The following CACNA1D variants were observed in gnomAD, a reference collection of about 807,000 sequenced individuals.
CACNA1D encodes voltage-dependent L-type calcium channel subunit alpha-1D.
Under a neutral mutation model 257.1 loss-of-function variants are expected in CACNA1D, and 55 were observed. The observed-to-expected ratio is 0.21, with a 90% CI of 0.17 to 0.27. The LOEUF is 0.27. Among genes scored for constraint, CACNA1D ranks in the 10% least tolerant of loss-of-function variants. The pLI, the probability that CACNA1D is intolerant of heterozygous loss-of-function variation, is 1.00. For missense variants in CACNA1D, 1,876 were observed against 2,784.0 expected (o/e 0.67, Z 7.34); for synonymous variants, 980 against 1,014.9 (o/e 0.97, Z 0.65).
At chr3:53,553,351 T>G (rs927024523) in intron 3 of CACNA1D, among the ~76,000 whole-genome samples, 19 of 152,220 alleles carry the variant, frequency 1.2e-4, no homozygotes, top group African/African-American at 4.6e-4. Context: ...CCCGTCTGTC[T>G]GCCTCCCTGC....
chr3:53,518,171 T>G (rs1336326426), intron 3 of CACNA1D, among the ~76,000 whole-genome samples: 1 of 152,212 alleles, frequency 6.6e-6, no homozygotes, highest in Non-Finnish European at 1.5e-5. Context: ...GCTGGTGTGT[T>G]CTCTGTAGAA....
chr3:53,726,673 A>ATT (rs34214358), intron 14 of CACNA1D, among the ~76,000 whole-genome samples: 20 of 151,978 alleles, frequency 1.3e-4, no homozygotes, highest in Middle Eastern at 6.8e-3. Flanking sequence ...TAATAAGGTT[A>ATT]TTTTTTTTCA....
intron 3 of CACNA1D, among the ~76,000 whole-genome samples, chr3:53,586,897 TG>T (rs772172633): frequency 1.3e-5 from 2 of 151,902 alleles, no homozygotes; most frequent in Non-Finnish European, 2.9e-5. Context: ...TAAGAGACGC[TG>T]GGGGGGTAAT....
At chr3:53,683,605 A>G (rs1474467304) in intron 8 of CACNA1D, among the ~76,000 whole-genome samples, 1 of 152,240 alleles carries the variant, frequency 6.6e-6, no homozygotes, top group Non-Finnish European at 1.5e-5. Context: ...GAAACAAAAG[A>G]TGACAGATGT....
chr3:53,510,457 C>T (rs751601510), intron 3 of CACNA1D, among the ~76,000 whole-genome samples: 1 of 152,092 alleles, frequency 6.6e-6, no homozygotes, highest in Non-Finnish European at 1.5e-5. Context: ...TATTTGTTTT[C>T]TTTGTGATGA....
chr3:53,575,770 C>T (rs1428886822), intron 3 of CACNA1D, among the ~76,000 whole-genome samples: 2 of 152,184 alleles, frequency 1.3e-5, no homozygotes, highest in African/African-American at 2.4e-5. Flanking sequence ...AATCACCAGT[C>T]AGTTCTCTTT....
intron 8 of CACNA1D, among the ~76,000 whole-genome samples, chr3:53,687,467 T>C (rs1312100173): frequency 6.6e-6 from 1 of 152,042 alleles, no homozygotes; most frequent in Non-Finnish European, 1.5e-5. Flanking sequence ...TTCAATTGCT[T>C]TTTGATAAAG....
At chr3:53,656,026 T>C (rs1287435365) in intron 4 of CACNA1D, among the ~76,000 whole-genome samples, 3 of 152,228 alleles carry the variant, frequency 2.0e-5, no homozygotes, top group Non-Finnish European at 4.4e-5. Flanking sequence ...CATGGTTTAT[T>C]GAATAGGGAG....
rs1390039843 is a variant in CACNA1D at position 53,723,297 on chromosome 3, G to A, written c.1667-137G>A. On this transcript the variant is annotated intron_variant, in intron 12 of 47. Transcript: ENST00000350061. This position sits in a 1 kb window ranked among gnomAD's most constrained non-coding sequence, Gnocchi z 5.6. ...CACGCGAAGGCCACGTTTCTGTCCTGAGTGAGGTAGTGAAGAGAGAGACAA... is the reference window on the plus strand; with the variant it reads ...CACGCGAAGGCCACGTTTCTGTCCTAAGTGAGGTAGTGAAGAGAGAGACAA... 2 of 734,576 alleles carry A rather than the reference G, an allele frequency of 2.7e-6. No individual in the cohort carries two copies. The highest frequency in any genetic ancestry group is 4.9e-6 in the Non-Finnish European group (2 of 405,444). The allele number at this position is 734,576 out of a possible 1,614,324, so 45.5% of individuals were successfully genotyped here.
chr3:53,649,572 G>A (rs1165185179), intron 3 of CACNA1D, among the ~76,000 whole-genome samples: 1 of 152,028 alleles, frequency 6.6e-6, no homozygotes, highest in Non-Finnish European at 1.5e-5. Flanking sequence ...ACCATAGTGG[G>A]GACATTTTTC....
intron 11 of CACNA1D, 114 bp downstream of exon 11, chr3:53,719,895 C>T: frequency 1.0e-6 from 1 of 962,434 alleles, no homozygotes; most frequent in Non-Finnish European, 1.7e-6. Context: ...TGGATTATAA[C>T]ATTGATACTG....
chr3:53,545,294 A>T (rs1336277614), intron 3 of CACNA1D, among the ~76,000 whole-genome samples: 3 of 152,222 alleles, frequency 2.0e-5, no homozygotes, highest in African/African-American at 7.2e-5. Context: ...TGGGCCGATG[A>T]TGATTCCTGC....
intron 9 of CACNA1D, among the ~76,000 whole-genome samples, chr3:53,712,808 G>A (rs1276985945): frequency 6.6e-6 from 1 of 152,320 alleles, no homozygotes; most frequent in South Asian, 2.1e-4. Context: ...AGTCTGTCCT[G>A]TGGAGAACAG....
At chr3:53,710,662 A>C (rs1283806444) in intron 9 of CACNA1D, among the ~76,000 whole-genome samples, 1 of 152,172 alleles carries the variant, frequency 6.6e-6, no homozygotes, top group Non-Finnish European at 1.5e-5. Flanking sequence ...ATAGCATTGC[A>C]GTTTTCTTTT....
At chr3:53,687,984 G>A (rs1352065278) in intron 8 of CACNA1D, among the ~76,000 whole-genome samples, 3 of 152,180 alleles carry the variant, frequency 2.0e-5, no homozygotes, top group Admixed American at 2.0e-4. Flanking sequence ...ATTGTTTATA[G>A]AAACATAAAA....
At chr3:53,629,148 G>A (rs1384038039) in intron 3 of CACNA1D, among the ~76,000 whole-genome samples, 3 of 152,342 alleles carry the variant, frequency 2.0e-5, no homozygotes, top group South Asian at 2.1e-4. Flanking sequence ...TTGTGTGGCA[G>A]TAAAGCTTTA....
rs2095333639 is a variant in CACNA1D, at chr3:53,766,575, G to A, written c.3871-3398G>A. ...TCATTGATTTCACTTGGGAACCTCAGGGTCTTTTTGACTTCCACGGTTGCA... is the reference window on the plus strand; with the variant it reads ...TCATTGATTTCACTTGGGAACCTCAAGGTCTTTTTGACTTCCACGGTTGCA... On this transcript the variant is annotated intron_variant, in intron 30 of 47. Coordinates refer to ENST00000350061, the MANE Select transcript of CACNA1D (RefSeq NM_001128840.3). Among the ~76,000 whole-genome samples, 3 of 152,244 alleles carry A rather than the reference G, an allele frequency of 2.0e-5. No homozygotes were observed. The South Asian group carries it at 6.2e-4, about 31-fold the overall frequency.
At chr3:53,602,858 C>G (rs904051194) in intron 3 of CACNA1D, among the ~76,000 whole-genome samples, 2 of 152,152 alleles carry the variant, frequency 1.3e-5, no homozygotes, top group African/African-American at 4.8e-5. Context: ...AATCCCTTGT[C>G]AGATGGATAC....
At chr3:53,731,995 A>C in intron 17 of CACNA1D, 21 bp from the exon 18 acceptor site, 2 of 1,519,614 alleles carry the variant, frequency 1.3e-6, no homozygotes, top group Non-Finnish European at 1.8e-6. Flanking sequence ...CCCTCCTCCC[A>C]AGATGTCTTT....
Sources: allele counts gnomAD v4.1 joint callset (sites outside exome capture counted in the v4.1 genomes callset), GRCh38; gene constraint gnomAD v4.1.1; non-coding constraint Gnocchi (gnomAD v3.1); transcripts MANE v1.5; gene names NCBI Gene and HGNC (gene_info 2026-07-23, HGNC 2026-07-21).